Variants in SNRPA observed in about 807,000 individuals in gnomAD.
SNRPA encodes small nuclear ribonucleoprotein polypeptide A, also known as U1 small nuclear ribonucleoprotein A.
A neutral mutation model predicts 24.5 loss-of-function variants in SNRPA; 10 were observed. The ratio of observed to expected loss-of-function variants is 0.41; its 90% CI spans 0.25 to 0.69. The LOEUF (loss-of-function observed/expected upper bound fraction) is 0.69, where lower values mean the gene tolerates loss of function less well. SNRPA is among the 30% of genes least tolerant of loss of function. The pLI is 0.33. For synonymous variants in SNRPA, 165 were observed against 148.4 expected, an observed-to-expected ratio of 1.11 and a Z score of -0.81; for missense variants, 283 against 394.7, an observed-to-expected ratio of 0.72 and a Z score of 2.40.
chr19:40,755,703 A>G (rs766336244), intron 1 of SNRPA, among the ~76,000 whole-genome samples: 13 of 152,176 alleles, frequency 8.5e-5, no homozygotes, highest in Non-Finnish European at 1.9e-4. Context: ...TGCATAAGAC[A>G]TTGGTGCCCT....
intron 1 of SNRPA, among the ~76,000 whole-genome samples, chr19:40,753,479 C>G (rs1245171667): frequency 7.9e-6 from 1 of 126,972 alleles, no homozygotes. Flanking sequence ...TCACTACAAC[C>G]TCTGCCTCCC....
chr19:40,753,077 C>T (rs1297285902), intron 1 of SNRPA, among the ~76,000 whole-genome samples: 1 of 152,144 alleles, frequency 6.6e-6, no homozygotes, highest in East Asian at 1.9e-4. Context: ...AAACCAGCAG[C>T]CGGGCACTGG....
chr19:40,754,079 G>T (rs1321599216), intron 1 of SNRPA, among the ~76,000 whole-genome samples: 1 of 149,718 alleles, frequency 6.7e-6, no homozygotes, highest in African/African-American at 2.5e-5. Flanking sequence ...GGGATTACAG[G>T]CGTCAGCCCC....
intron 1 of SNRPA, among the ~76,000 whole-genome samples, chr19:40,752,707 G>A (rs1270978732): frequency 2.0e-5 from 3 of 150,998 alleles, no homozygotes; most frequent in African/African-American, 7.3e-5. Context: ...AGCTATGATT[G>A]CACCACTGCA....
chr19:40,757,913 G>C (rs2082915228), intron 2 of SNRPA, among the ~76,000 whole-genome samples: 2 of 151,494 alleles, frequency 1.3e-5, no homozygotes, highest in East Asian at 3.9e-4. Flanking sequence ...CTGCACTCCA[G>C]CCTAGGCAAC....
chr19:40,757,621 G>C, intron 2 of SNRPA, 117 bp downstream of exon 2: 1 of 947,136 alleles, frequency 1.1e-6, no homozygotes. Flanking sequence ...GCTGGACCAG[G>C]CTCCCACTGC....
intron 1 of SNRPA, among the ~76,000 whole-genome samples, chr19:40,755,257 C>CTTTTTTTTTTTTTTTTTTTTTTTT (rs1004235207): frequency 2.4e-5 from 2 of 82,612 alleles, no homozygotes; most frequent in East Asian, 3.0e-4. Context: ...TTTTTCTTTT[C>CTTTTTTTTTTTTTTTTTTTTTTTT]TTTTTTTTTT....
intron 3 of SNRPA, among the ~76,000 whole-genome samples, chr19:40,760,131 A>T (rs1599728710): frequency 6.6e-6 from 1 of 152,102 alleles, no homozygotes; most frequent in Non-Finnish European, 1.5e-5. Flanking sequence ...GGCTCAAGTG[A>T]TACGCCTCAG....
At chr19:40,752,241 G>A (rs1466170032) in intron 1 of SNRPA, among the ~76,000 whole-genome samples, 2 of 151,978 alleles carry the variant, frequency 1.3e-5, no homozygotes, top group African/African-American at 4.8e-5. Context: ...GGAGGCTGAG[G>A]CAGGAGAATT....
intron 1 of SNRPA, 31 bp from the exon 2 acceptor site, chr19:40,757,301 A>G (rs759393787): frequency 5.6e-6 from 9 of 1,610,032 alleles, no homozygotes; most frequent in Non-Finnish European, 7.6e-6. Context: ...TAAAAAGGGG[A>G]GCTCAAAGGT....
chr19:40,756,133 G>A (rs922612802), intron 1 of SNRPA, among the ~76,000 whole-genome samples: 5 of 151,986 alleles, frequency 3.3e-5, no homozygotes, highest in African/African-American at 1.2e-4. Flanking sequence ...GCCGTGCGTC[G>A]TGCTGCGTGC....
chr19:40,765,343 T>C lies in SNRPA; in HGVS notation c.*176T>C, dbSNP rs932995004. On this transcript the variant is annotated 3_prime_UTR_variant, in exon 6 of 6. Coordinates refer to ENST00000243563, the MANE Select transcript of SNRPA (RefSeq NM_004596.5). ...TGTCCCCAGACATTGCACCTGGCGC[T>C]GTTAGGCCGGAATTAAAGTGGCTTT... The C allele has an allele frequency of 5.1e-6, 2 of 392,020 alleles. No individual in the cohort carries two copies. Among genetic ancestry groups the C allele is most frequent in the East Asian group, 3.7e-5 (1 of 26,876 alleles). The allele number at this position is 392,020 out of a possible 1,614,324, so 24.3% of individuals were successfully genotyped here.
At chr19:40,759,103 G>A (rs1436850640) in intron 2 of SNRPA, among the ~76,000 whole-genome samples, 1 of 151,296 alleles carries the variant, frequency 6.6e-6, no homozygotes, top group African/African-American at 2.4e-5. Flanking sequence ...AGCTAGTAGG[G>A]AGGCTGAGGC....
At chr19:40,763,397 C>G in intron 4 of SNRPA, 190 bp from the exon 5 acceptor site, 3 of 631,064 alleles carry the variant, frequency 4.8e-6, no homozygotes, top group Non-Finnish European at 8.6e-6. Flanking sequence ...CCTCTGCTGT[C>G]CTGTGGCCTA....
At chr19:40,754,893 T>C (rs1490196284) in intron 1 of SNRPA, among the ~76,000 whole-genome samples, 4 of 151,984 alleles carry the variant, frequency 2.6e-5, no homozygotes, top group Non-Finnish European at 5.9e-5. Flanking sequence ...GTGGAATGAG[T>C]GAAGTCTGAG....
chr19:40,752,942 T>C (rs1370045926), intron 1 of SNRPA, among the ~76,000 whole-genome samples: 2 of 152,208 alleles, frequency 1.3e-5, no homozygotes, highest in Non-Finnish European at 2.9e-5. Context: ...TTATGGTAAC[T>C]GGCAGCTAGT....
intron 1 of SNRPA, among the ~76,000 whole-genome samples, chr19:40,753,895 G>A (rs1045937573): frequency 1.3e-5 from 2 of 149,262 alleles, no homozygotes; most frequent in Admixed American, 1.3e-4. Flanking sequence ...CTTGCCTCCT[G>A]GGTTCACGCC....
chr19:40,753,640 G>A (rs758889125), intron 1 of SNRPA, among the ~76,000 whole-genome samples: 32 of 151,426 alleles, frequency 2.1e-4, no homozygotes, highest in Admixed American at 1.7e-3. Context: ...TAGGTGATCC[G>A]CCCACCTCGG....
chr19:40,765,185 C>G lies in SNRPA; in HGVS notation c.*18C>G. The G allele has an allele frequency of 1.3e-6, 2 of 1,500,056 alleles. No individual in the cohort carries two copies. The highest frequency in any genetic ancestry group is 2.6e-5 in the East Asian group (1 of 38,870). 92.9% of individuals were successfully genotyped at this position (1,500,056 alleles called of 1,614,324 possible). Reference sequence around the variant, plus strand: ...AGAAGTAGCACCTTTTCCCCCCATGCCTGCCCCTTCCCCTGTTCTGGGGCC... The same window carrying G: ...AGAAGTAGCACCTTTTCCCCCCATGGCTGCCCCTTCCCCTGTTCTGGGGCC... On this transcript the variant is annotated 3_prime_UTR_variant, in exon 6 of 6. Transcript: ENST00000243563.
Sources: allele counts gnomAD v4.1 joint callset (sites outside exome capture counted in the v4.1 genomes callset), GRCh38; gene constraint gnomAD v4.1.1; transcripts MANE v1.5; gene names NCBI Gene and HGNC (gene_info 2026-07-23, HGNC 2026-07-21).